TOP2B: variants seen among roughly 807,000 people sequenced by gnomAD.
TOP2B encodes the protein DNA topoisomerase II beta.
A neutral mutation model predicts 193.5 loss-of-function variants in TOP2B; 51 were observed. The observed-to-expected ratio is 0.26, with a 90% CI of 0.21 to 0.33. TOP2B has a LOEUF of 0.33. Ranked by LOEUF, TOP2B falls within the 10% of genes least tolerant of loss-of-function variation. The pLI is 1.00. For synonymous variants in TOP2B, 634 were observed against 635.7 expected (o/e 1.00, Z 0.04); for missense variants, 1,378 against 1,909.3 (o/e 0.72, Z 5.19).
intron 31 of TOP2B, 146 bp from the exon 32 acceptor site, chr3:25,606,268 C>CAGGGTA: frequency 2.1e-6 from 1 of 470,972 alleles, no homozygotes; most frequent in East Asian, 3.3e-5. Flanking sequence ...CTGTTAAAGA[C>CAGGGTA]AGGGTAATAA....
rs898805268 is a variant in TOP2B at position 25,643,312 on chromosome 3, G to A, written c.331+382C>T. 3.3e-5 allele frequency among the ~76,000 whole-genome samples: 5 copies of A among 152,228 alleles called. No homozygotes were observed. The East Asian group carries it at 9.6e-4, about 29-fold the overall frequency. On this transcript the variant is annotated intron_variant, in intron 3 of 35. Coordinates refer to ENST00000264331, the MANE Select transcript of TOP2B (RefSeq NM_001330700.2). ...GCCCAACAGAAATATCTGATTTGTT[G>A]GTGAAAAACATATTTACATATCCCA... is the stretch of plus-strand genomic sequence containing the variant.
intron 35 of TOP2B, among the ~76,000 whole-genome samples, chr3:25,599,181 G>A (rs1032921237): frequency 1.3e-5 from 2 of 152,096 alleles, no homozygotes; most frequent in South Asian, 4.1e-4. Flanking sequence ...TATTTAGGTA[G>A]CATAACACTA....
At chr3:25,603,404 G>A (rs1702156974) in intron 33 of TOP2B, among the ~76,000 whole-genome samples, 1 of 151,962 alleles carries the variant, frequency 6.6e-6, no homozygotes, top group Admixed American at 6.6e-5. Flanking sequence ...CACCACACCA[G>A]GCTAATTTTT....
Position 25,655,129 on chromosome 3 carries a change from G to C in TOP2B, c.69+9100C>G, listed in dbSNP as rs962694242. On this transcript the variant is annotated intron_variant, in intron 1 of 35. Coordinates refer to ENST00000264331, the MANE Select transcript of TOP2B (RefSeq NM_001330700.2). ...GAGTGAAAAGGCAGCGTATGGAATG[G>C]AGAAAATATCTGTAAACCATCAAAT... is the stretch of plus-strand genomic sequence containing the variant. Among the ~76,000 whole-genome samples, 3 of 152,134 alleles carry C rather than the reference G, an allele frequency of 2.0e-5. No individual in the cohort carries two copies. In the East Asian group the frequency reaches 5.8e-4, roughly 29 times the overall value.
At chr3:25,645,034 T>C (rs1457169146) in intron 2 of TOP2B, among the ~76,000 whole-genome samples, 2 of 151,726 alleles carry the variant, frequency 1.3e-5, no homozygotes, top group East Asian at 3.9e-4. Flanking sequence ...ATGGTTTCGA[T>C]CTCCTGACCT....
chr3:25,630,609 A>ATAC, intron 11 of TOP2B, 140 bp from the exon 12 acceptor site: 1 of 842,494 alleles, frequency 1.2e-6, no homozygotes, highest in Non-Finnish European at 1.8e-6. Flanking sequence ...CAGTATAAAT[A>ATAC]TTAAGTATAT....
At chr3:25,657,112 T>G (rs1048943072) in intron 1 of TOP2B, among the ~76,000 whole-genome samples, 1 of 152,234 alleles carries the variant, frequency 6.6e-6, no homozygotes, top group Non-Finnish European at 1.5e-5. Flanking sequence ...TTTACATTGC[T>G]CACTGGCTCA....
At position 25,633,910 on chromosome 3, in the gene TOP2B, A is replaced by G. The variant is rs758545072; in HGVS notation, c.957T>C (p.Asp319=). Residue 319 remains aspartate (D), a synonymous_variant, in exon 8 of 36, where the codon GAT becomes GAC. Coordinates refer to ENST00000264331, the MANE Select transcript of TOP2B (RefSeq NM_001330700.2). The part of the protein sequence containing the change: ...VIHELANERW[D]VCLTLSEKGF... ...CTTTTTCACTCAATGTGAGACAAACATCCCATCTTTCATTTGCAAGCTCAT... is the reference window on the plus strand; with the variant it reads ...CTTTTTCACTCAATGTGAGACAAACGTCCCATCTTTCATTTGCAAGCTCAT... The G allele has an allele frequency of 1.9e-5, 30 of 1,613,300 alleles. No homozygotes were observed. The highest frequency in any genetic ancestry group is 2.5e-5 in the Non-Finnish European group (30 of 1,179,454).
At chr3:25,627,479 C>A (rs1465651337) in intron 15 of TOP2B, among the ~76,000 whole-genome samples, 183 bp from the exon 16 acceptor site, 1 of 151,934 alleles carries the variant, frequency 6.6e-6, no homozygotes, top group African/African-American at 2.4e-5. Flanking sequence ...TGAAAGCACA[C>A]AACGCTACCT....
intron 4 of TOP2B, among the ~76,000 whole-genome samples, chr3:25,641,920 C>T (rs894171200): frequency 6.6e-6 from 1 of 152,020 alleles, no homozygotes; most frequent in Non-Finnish European, 1.5e-5. Context: ...CTGGTTACAA[C>T]AACAGTACCT....
At chr3:25,619,300 CAAA>C (rs1221031426) in intron 23 of TOP2B, among the ~76,000 whole-genome samples, 2,018 of 152,184 alleles carry the variant, frequency 0.013, 47 homozygotes, top group African/African-American at 0.044. Context: ...TCCAGTCACC[CAAA>C]CTCCTCTCTA....
At chr3:25,610,494 A>T (rs1702342044) in intron 28 of TOP2B, among the ~76,000 whole-genome samples, 1 of 152,210 alleles carries the variant, frequency 6.6e-6, no homozygotes, top group Non-Finnish European at 1.5e-5. Flanking sequence ...GGAATTAAGG[A>T]GGGAAGGGCA....
At chr3:25,622,638 GA>G (rs1005534497) in intron 21 of TOP2B, among the ~76,000 whole-genome samples, 3 of 150,336 alleles carry the variant, frequency 2.0e-5, no homozygotes, top group Non-Finnish European at 3.0e-5. Context: ...AAAAAATGGG[GA>G]TTTTTTTTTT....
At position 25,630,791 on chromosome 3, in the gene TOP2B, T is replaced by C. The variant is rs1331516379; in HGVS notation, c.1405+10A>G. On this transcript the variant is annotated intron_variant, in intron 11 of 35. Coordinates refer to ENST00000264331, the MANE Select transcript of TOP2B (RefSeq NM_001330700.2). ...TAAATCAAAATCTTATTTAAAAATA[T>C]CAATCTTACCAGCATCATTAGCATC... is the stretch of plus-strand genomic sequence containing the variant. 1 of 1,525,704 alleles carries C rather than the reference T, an allele frequency of 6.6e-7. No homozygotes were observed. The highest frequency in any genetic ancestry group is 2.4e-5 in the East Asian group (1 of 41,934). The allele number at this position is 1,525,704 out of a possible 1,614,324, so 94.5% of individuals were successfully genotyped here.
chr3:25,654,289 A>G (rs1703682229), intron 1 of TOP2B, among the ~76,000 whole-genome samples: 1 of 152,212 alleles, frequency 6.6e-6, no homozygotes, highest in South Asian at 2.1e-4. Context: ...TCATGCAGTA[A>G]CCATGACCAA....
chr3:25,614,533 A>G (rs894347045), intron 27 of TOP2B, among the ~76,000 whole-genome samples: 8 of 152,102 alleles, frequency 5.3e-5, no homozygotes, highest in Admixed American at 5.2e-4. Flanking sequence ...CAGCTAATTT[A>G]CCACACTTGT....
Position 25,624,461 on chromosome 3 carries a change from A to G in TOP2B, c.2347-16T>C, listed in dbSNP as rs1702741867. ...TCAATGCTTGCTATACAACAGAAGA[A>G]GGCAGAACATAACATTAATATTCTA... On this transcript the variant is annotated splice_polypyrimidine_tract_variant and intron_variant, in intron 19 of 35. Transcript: ENST00000264331. The G allele has an allele frequency of 1.9e-6, 3 of 1,606,132 alleles. No homozygotes were observed. In the African/African-American group the frequency reaches 4.0e-5, roughly 22 times the overall value.
rs1575556318 is a variant in TOP2B, at chr3:25,598,107, G to A, written c.*200C>T. The A allele has an allele frequency of 2.0e-6, 1 of 498,850 alleles. No homozygotes were observed. The highest frequency in any genetic ancestry group is 3.5e-6 in the Non-Finnish European group (1 of 287,522). The allele number at this position is 498,850 out of a possible 1,614,324, so 30.9% of individuals were successfully genotyped here. ...AACAATTCTACAAGCCAATCAGACA[G>A]TACGTGACATTTCAATGAGTAAAAA... On this transcript the variant is annotated 3_prime_UTR_variant, in exon 36 of 36. Coordinates refer to ENST00000264331, the MANE Select transcript of TOP2B (RefSeq NM_001330700.2).
At chr3:25,637,108 A>G in intron 6 of TOP2B, 107 bp downstream of exon 6, 2 of 818,460 alleles carry the variant, frequency 2.4e-6, no homozygotes, top group Non-Finnish European at 3.9e-6. Context: ...TTGGAAAAAA[A>G]AAATGAAGTT....
Sources: allele counts gnomAD v4.1 joint callset (sites outside exome capture counted in the v4.1 genomes callset), GRCh38; gene constraint gnomAD v4.1.1; transcripts MANE v1.5; gene names NCBI Gene and HGNC (gene_info 2026-07-23, HGNC 2026-07-21).